Variants in DLG2 observed in about 807,000 individuals in gnomAD.
The protein encoded by DLG2 is disks large homolog 2.
A neutral mutation model predicts 132.5 loss-of-function variants in DLG2; 45 were observed. The ratio of observed to expected loss-of-function variants is 0.34; its 90% CI spans 0.27 to 0.44. DLG2 has a LOEUF of 0.44. Ranked by LOEUF, DLG2 falls within the 20% of genes least tolerant of loss-of-function variation. The pLI is 1.00. For missense variants in DLG2, 1,045 were observed against 1,196.9 expected (o/e 0.87, Z 1.87); for synonymous variants, 424 against 419.6 (o/e 1.01, Z -0.13).
At chr11:83,691,773 C>T (rs576152729) in intron 18 of DLG2, among the ~76,000 whole-genome samples, 1 of 152,286 alleles carries the variant, frequency 6.6e-6, no homozygotes, top group South Asian at 2.1e-4. Context: ...GTCTCGGCCA[C>T]TCCTGGGTTG....
chr11:85,513,703 C>T (rs777117683), intron 3 of DLG2, among the ~76,000 whole-genome samples: 2 of 151,922 alleles, frequency 1.3e-5, no homozygotes, highest in Admixed American at 1.3e-4. Context: ...TAGGCTCATA[C>T]CATTTACTTC....
intron 3 of DLG2, among the ~76,000 whole-genome samples, chr11:85,328,691 A>G (rs1367873838): frequency 1.3e-5 from 2 of 151,424 alleles, no homozygotes; most frequent in African/African-American, 2.4e-5. Flanking sequence ...AAAAACTGGA[A>G]GCATTCCCTT....
intron 15 of DLG2, among the ~76,000 whole-genome samples, chr11:83,899,874 A>G (rs1207436057): frequency 6.6e-6 from 1 of 152,198 alleles, no homozygotes; most frequent in East Asian, 1.9e-4. Flanking sequence ...AGGCTGGAAC[A>G]GTTCGGAGGG....
Position 84,066,605 on chromosome 11 carries a change from C to T in DLG2, c.750-7121G>A, listed in dbSNP as rs150033251. Among the ~76,000 whole-genome samples, 822 of 152,020 alleles carry T rather than the reference C, an allele frequency of 5.4e-3. 7 individuals carry two copies. Among genetic ancestry groups the T allele is most frequent in the African/African-American group, 0.019 (802 of 41,472 alleles). On this transcript the variant is annotated intron_variant, in intron 10 of 27. Coordinates refer to ENST00000376104, the MANE Select transcript of DLG2 (RefSeq NM_001142699.3). ...TGAAATCCTGTCTGTGCTAAAAATA[C>T]AAAAAATTAGCCACGCATGGTGGCA...
rs1483248498 is a variant in DLG2 at position 84,502,699 on chromosome 11, G to A, written c.519+31871C>T. ...AGGAGAACCATTTCACGACAGCCCAGGTTATTTTCTTAAAATTCTCTGAAC... is the reference window on the plus strand; with the variant it reads ...AGGAGAACCATTTCACGACAGCCCAAGTTATTTTCTTAAAATTCTCTGAAC... On this transcript the variant is annotated intron_variant, in intron 7 of 27. Coordinates refer to ENST00000376104, the MANE Select transcript of DLG2 (RefSeq NM_001142699.3). Among the ~76,000 whole-genome samples, 3 of 151,806 alleles carry A rather than the reference G, an allele frequency of 2.0e-5. No individual in the cohort carries two copies. In the East Asian group the frequency reaches 5.8e-4, roughly 30 times the overall value.
intron 6 of DLG2, among the ~76,000 whole-genome samples, chr11:85,111,065 G>T (rs1368439646): frequency 6.6e-6 from 1 of 152,128 alleles, no homozygotes; most frequent in Non-Finnish European, 1.5e-5. Flanking sequence ...GAAAGGAGAA[G>T]TAGGATGTCT....
chr11:84,387,010 C>A (rs1197481216), intron 7 of DLG2, among the ~76,000 whole-genome samples: 3 of 152,026 alleles, frequency 2.0e-5, no homozygotes, highest in South Asian at 4.2e-4. Context: ...AGATTCTGAA[C>A]CTCTTTTATT....
chr11:85,535,968 C>A (rs1385430552), intron 3 of DLG2, among the ~76,000 whole-genome samples: 1 of 152,048 alleles, frequency 6.6e-6, no homozygotes, highest in East Asian at 1.9e-4. Flanking sequence ...GTAATCCCAG[C>A]ACTTTGGGAG....
chr11:85,020,660 C>T, intron 6 of DLG2: 2 of 407,684 alleles, frequency 4.9e-6, no homozygotes, highest in Non-Finnish European at 4.7e-6. Flanking sequence ...CTGATACAAA[C>T]AAGAAATGGG....
intron 6 of DLG2, among the ~76,000 whole-genome samples, chr11:85,086,802 A>T (rs1272003777): frequency 6.6e-6 from 1 of 152,236 alleles, no homozygotes; most frequent in African/African-American, 2.4e-5. Flanking sequence ...ACGGCATATC[A>T]ATCATAGCAA....
intron 3 of DLG2, among the ~76,000 whole-genome samples, chr11:85,403,339 CAGTT>C (rs1345210520): frequency 6.6e-6 from 1 of 151,796 alleles, no homozygotes; most frequent in African/African-American, 2.4e-5. Flanking sequence ...TGGGGCCTGT[CAGTT>C]GGTGGGGGCT....
chr11:83,574,734 A>G (rs1286358290), intron 19 of DLG2, among the ~76,000 whole-genome samples: 1 of 152,204 alleles, frequency 6.6e-6, no homozygotes, highest in Non-Finnish European at 1.5e-5. Flanking sequence ...GTTGTTTCCA[A>G]GAATGTACTT....
chr11:85,005,908 A>G (rs2058617315), intron 6 of DLG2, among the ~76,000 whole-genome samples: 1 of 152,162 alleles, frequency 6.6e-6, no homozygotes, highest in African/African-American at 2.4e-5. Context: ...ATCAATACCT[A>G]GTTCATTGAG....
chr11:85,483,073 C>T (rs1236767854), intron 3 of DLG2, among the ~76,000 whole-genome samples: 2 of 152,026 alleles, frequency 1.3e-5, no homozygotes, highest in South Asian at 2.1e-4. Flanking sequence ...ATATAAATAT[C>T]CAAGTAGAGG....
chr11:83,540,171 C>T (rs58290791), intron 20 of DLG2, among the ~76,000 whole-genome samples: 242 of 152,290 alleles, frequency 1.6e-3, no homozygotes, highest in African/African-American at 5.7e-3. Flanking sequence ...TTCTAGAGAA[C>T]AGCTCTTCAG....
At position 84,905,134 on chromosome 11, in the gene DLG2, C is replaced by T. The variant is rs563726348; in HGVS notation, c.357+206527G>A. Among the ~76,000 whole-genome samples the T allele has an allele frequency of 9.3e-4, 142 of 152,268 alleles. 1 individual carries two copies. The highest frequency in any genetic ancestry group is 3.3e-3 in the African/African-American group (137 of 41,564). On this transcript the variant is annotated intron_variant, in intron 6 of 27. Coordinates refer to ENST00000376104, the MANE Select transcript of DLG2 (RefSeq NM_001142699.3). ...CTCCTGGCTTCAGTGACTCTCCCAT[C>T]GCAGCCTCCCAAAGTGCTGGGATTA...
intron 7 of DLG2, among the ~76,000 whole-genome samples, chr11:84,263,145 A>T (rs1251753024): frequency 2.6e-5 from 4 of 152,300 alleles, no homozygotes; most frequent in Admixed American, 1.3e-4. Flanking sequence ...AGGAATAAAG[A>T]GGGAAATGGC....
At chr11:84,851,877 T>C (rs1284289642) in intron 6 of DLG2, among the ~76,000 whole-genome samples, 1 of 151,998 alleles carries the variant, frequency 6.6e-6, no homozygotes, top group Middle Eastern at 3.4e-3. Flanking sequence ...ATGATAGTTA[T>C]ATACAATTTT....
intron 7 of DLG2, among the ~76,000 whole-genome samples, chr11:84,509,352 T>G (rs1010532588): frequency 1.2e-4 from 19 of 152,340 alleles, no homozygotes; most frequent in Middle Eastern, 3.4e-3. Flanking sequence ...ATTTCTCCTG[T>G]GAATATGTAT....
Sources: allele counts gnomAD v4.1 joint callset (sites outside exome capture counted in the v4.1 genomes callset), GRCh38; gene constraint gnomAD v4.1.1; transcripts MANE v1.5; gene names NCBI Gene and HGNC (gene_info 2026-07-23, HGNC 2026-07-21).